Variants in HAS3 observed in about 807,000 individuals in gnomAD.
The protein encoded by HAS3 is hyaluronan synthase 3, also known as HA synthase 3.
Under a neutral mutation model 50.3 loss-of-function variants are expected in HAS3, and 27 were observed. The observed-to-expected ratio is 0.54, with a 90% confidence interval of 0.40 to 0.74. HAS3 has a LOEUF of 0.74. Ranked by LOEUF, HAS3 falls within the 30% of genes least tolerant of loss-of-function variation. The pLI is 0.00. For missense variants in HAS3, 517 were observed against 742.8 expected (o/e 0.70, Z 3.53); for synonymous variants, 339 against 310.9 (o/e 1.09, Z -0.95).
At chr16:69,099,337 A>T in the HAS3 span, among the ~76,000 whole-genome samples, 1 of 131,138 alleles carries the variant, frequency 7.6e-6, no homozygotes, top group African/African-American at 2.8e-5. Flanking sequence ...CCTTTAATTC[A>T]TTTTTTTTTT....
intron 2 of HAS3, among the ~76,000 whole-genome samples, chr16:69,112,470 TGTG>T (rs1228652040): frequency 5.9e-5 from 9 of 152,216 alleles, no homozygotes; most frequent in Non-Finnish European, 1.0e-4. Flanking sequence ...TGGGTGGGGT[TGTG>T]GTGTCAGAGG....
upstream of HAS3, among the ~76,000 whole-genome samples, chr16:69,104,290 C>CT (rs547219297): frequency 2.0e-3 from 272 of 134,074 alleles, 4 homozygotes; most frequent in South Asian, 0.022. Flanking sequence ...TTTTCTTTTT[C>CT]TTTTTTTTTT....
chr16:69,107,533 G>T lies in HAS3; in HGVS notation c.-1+1746G>T. On this transcript the variant is annotated intron_variant, in intron 1 of 3. Coordinates refer to ENST00000569188, the MANE Select transcript of HAS3 (RefSeq NM_001199280.2). This position sits in a 1 kb window ranked among gnomAD's most constrained non-coding sequence, Gnocchi z 5.5. ...GGCGAGGCTCGAGCGGGGATGAGAAGCGTGGCGAGTGCGTTCGCGGCTGCT... is the reference window on the plus strand; with the variant it reads ...GGCGAGGCTCGAGCGGGGATGAGAATCGTGGCGAGTGCGTTCGCGGCTGCT... 1.0e-6 allele frequency: 1 copy of T among 985,574 alleles called. No individual in the cohort carries two copies. Among genetic ancestry groups the T allele is most frequent in the Non-Finnish European group, 1.2e-6 (1 of 830,038 alleles). 61.1% of individuals were successfully genotyped at this position (985,574 alleles called of 1,614,324 possible). A position where few individuals can be genotyped will look rare whatever the true frequency, so the allele number is the denominator to read the frequency against.
At chr16:69,092,549 C>T in the HAS3 span, among the ~76,000 whole-genome samples, 1 of 146,730 alleles carries the variant, frequency 6.8e-6, no homozygotes, top group Non-Finnish European at 1.5e-5. Flanking sequence ...TGCAGTGAGC[C>T]AAGATCGTGC....
chr16:69,113,846 T>C (rs1961091540), intron 3 of HAS3, among the ~76,000 whole-genome samples: 1 of 152,116 alleles, frequency 6.6e-6, no homozygotes, highest in African/African-American at 2.4e-5. Flanking sequence ...GTACAGCAAG[T>C]AGCTCCAAAG....
upstream of HAS3, among the ~76,000 whole-genome samples, chr16:69,104,992 G>GTTTTTTTTTTTTTTTTTT (rs565397720): frequency 6.1e-5 from 5 of 81,982 alleles, no homozygotes; most frequent in Non-Finnish European, 9.0e-5. Flanking sequence ...CTGTTTTTTG[G>GTTTTTTTTTTTTTTTTTT]TTTTTTTTTT....
Position 69,114,985 on chromosome 16 carries a change from A to G in HAS3, c.1381A>G (p.Ile461Val). The G allele has an allele frequency of 6.2e-7, 1 of 1,614,134 alleles. No individual in the cohort carries two copies. The highest frequency in any genetic ancestry group is 8.5e-7 in the Non-Finnish European group (1 of 1,180,016). ...LPAKIFAIAT[I>V]NKSGWGTSGR... is the part of the protein sequence containing the mutation. The stretch of plus-strand genomic sequence containing the variant: ...GGCCAAGATCTTTGCCATTGCTACC[A>G]TCAACAAATCTGGCTGGGGCACCTC... Residue 461 changes from isoleucine to valine, a missense_variant, in exon 4 of 4, where the codon ATC becomes GTC. Transcript: ENST00000569188. This position sits in a 1 kb window ranked among gnomAD's most constrained non-coding sequence, Gnocchi z 6.4.
At chr16:69,112,714 G>GT (rs1402905253) in intron 2 of HAS3, among the ~76,000 whole-genome samples, 1 of 150,862 alleles carries the variant, frequency 6.6e-6, no homozygotes, top group Non-Finnish European at 1.5e-5. Context: ...AGGGCAACTA[G>GT]TGGCCTGGGT....
At chr16:69,104,421 C>T (rs938544116), upstream of HAS3, among the ~76,000 whole-genome samples, 3 of 151,986 alleles carry the variant, frequency 2.0e-5, no homozygotes, top group Non-Finnish European at 4.4e-5. Context: ...CTCAACCTTC[C>T]CAGTGGCTGG....
rs1321863795 is a variant in HAS3, at chr16:69,114,408, C to T, written c.804C>T (p.Asn268=). The change falls in exon 4 of 4, where the codon AAC becomes AAT. Residue 268 remains asparagine, a synonymous_variant. Coordinates refer to ENST00000569188, the MANE Select transcript of HAS3 (RefSeq NM_001199280.2). This position sits in a 1 kb window ranked among gnomAD's most constrained non-coding sequence, Gnocchi z 6.4. ...LSSVRYWMAF[N]VERACQSYFG... ...GCGTGCGGTACTGGATGGCCTTCAA[C>T]GTGGAGCGGGCCTGCCAGTCCTACT... 13 of 1,612,042 alleles carry T rather than the reference C, an allele frequency of 8.1e-6. No homozygotes were observed. Among genetic ancestry groups the T allele is most frequent in the South Asian group, 1.1e-5 (1 of 91,076 alleles).
chr16:69,109,190 C>T lies in HAS3; in HGVS notation c.1-206C>T, dbSNP rs1234374317. Among the ~76,000 whole-genome samples the T allele has an allele frequency of 4.6e-5, 7 of 152,176 alleles. No individual in the cohort carries two copies. Among genetic ancestry groups the T allele is most frequent in the African/African-American group, 7.2e-5 (3 of 41,444 alleles). On this transcript the variant is annotated intron_variant, in intron 1 of 3. Transcript: ENST00000569188. The surrounding 1 kb of genome is among the most constrained non-coding windows in gnomAD (Gnocchi z 5.3). ...CCTGCAACCCACATTTTACAGATGA[C>T]GTAAGGGGGCACAGACATCAAGTGG...
chr16:69,088,567 A>G, the HAS3 span, among the ~76,000 whole-genome samples: 1 of 151,886 alleles, frequency 6.6e-6, no homozygotes, highest in Non-Finnish European at 1.5e-5. Context: ...CAAAAAAAAA[A>G]AAAAAAAGAA....
chr16:69,112,484 C>T (rs1408269464), intron 2 of HAS3, among the ~76,000 whole-genome samples: 1 of 152,226 alleles, frequency 6.6e-6, no homozygotes, highest in Non-Finnish European at 1.5e-5. Flanking sequence ...GTGTCAGAGG[C>T]AGCCTCCTTT....
At position 69,116,415 on chromosome 16, in the gene HAS3, C is replaced by CTAA; in HGVS notation, c.*1149_*1150insTAA. On this transcript the variant is annotated 3_prime_UTR_variant, in exon 4 of 4. Coordinates refer to ENST00000569188, the MANE Select transcript of HAS3 (RefSeq NM_001199280.2). ...CTGCTTGGACGGATTCCTTGGCAGCCGGGTTAGCATGTGTGACTTTCAGGC... is the reference window on the plus strand; with the variant it reads ...CTGCTTGGACGGATTCCTTGGCAGCCTAAGGGTTAGCATGTGTGACTTTCAGGC... 8 of 985,756 alleles carry CTAA rather than the reference C, an allele frequency of 8.1e-6. No homozygotes were observed. Among genetic ancestry groups the CTAA allele is most frequent in the Non-Finnish European group, 8.4e-6 (7 of 829,832 alleles). 61.1% of individuals were successfully genotyped at this position (985,756 alleles called of 1,614,324 possible). A position where few individuals can be genotyped will look rare whatever the true frequency, so the allele number is the denominator to read the frequency against.
At chr16:69,096,679 G>A in the HAS3 span, among the ~76,000 whole-genome samples, 10 of 141,232 alleles carry the variant, frequency 7.1e-5, no homozygotes, top group East Asian at 4.4e-4. Context: ...GTGCAGTGGC[G>A]CCATCTCGGC....
At chr16:69,084,826 T>G in the HAS3 span, 1 of 152,274 alleles carries the variant, frequency 6.6e-6, no homozygotes, top group Non-Finnish European at 1.5e-5. Context: ...TTCCAAAAGC[T>G]CGAGTGACTG....
chr16:69,096,635 G>A, the HAS3 span, among the ~76,000 whole-genome samples: 1 of 20,308 alleles, frequency 4.9e-5, no homozygotes, highest in Non-Finnish European at 9.8e-5. Flanking sequence ...TTTTTTTTTT[G>A]GAGACGGAGT....
At chr16:69,095,874 C>G in the HAS3 span, among the ~76,000 whole-genome samples, 2 of 152,152 alleles carry the variant, frequency 1.3e-5, no homozygotes, top group Admixed American at 1.3e-4. Context: ...CTAATGATGT[C>G]TTTCATCAAG....
chr16:69,094,546 C>G, the HAS3 span, among the ~76,000 whole-genome samples: 2 of 152,174 alleles, frequency 1.3e-5, no homozygotes, highest in African/African-American at 4.8e-5. Flanking sequence ...TCTCTGTGGA[C>G]AAGACCAGGG....
Sources: gnomAD v4.1 joint callset for allele counts (sites outside exome capture counted in the v4.1 genomes callset) on GRCh38, gnomAD v4.1.1 for gene constraint, Gnocchi (gnomAD v3.1) non-coding constraint, MANE v1.5 for transcripts, NCBI Gene and HGNC (gene_info 2026-07-23, HGNC 2026-07-21) for gene names.